The following TMEM67 variants were observed in gnomAD, a reference collection of about 807,000 sequenced individuals.
TMEM67 encodes transmembrane protein 67, also known as meckelin.
A neutral mutation model predicts 136.6 loss-of-function variants in TMEM67; 124 were observed. The observed-to-expected ratio is 0.91, with a 90% confidence interval of 0.78 to 1.05. The LOEUF (loss-of-function observed/expected upper bound fraction) is 1.05. Among genes scored for constraint, TMEM67 ranks in the 50% least tolerant of loss-of-function variants. The pLI, the probability that TMEM67 is intolerant of heterozygous loss-of-function variation, is 0.00. For synonymous variants in TMEM67, 364 were observed against 390.5 expected, an observed-to-expected ratio of 0.93 and a Z score of 0.80; for missense variants, 1,107 against 1,178.4, an observed-to-expected ratio of 0.94 and a Z score of 0.89.
Position 93,799,880 on chromosome 8 carries a change from A to AAGAACAAT in TMEM67, c.2241+125_2241+132dup. On this transcript the variant is annotated intron_variant, in intron 21 of 27. Coordinates refer to ENST00000453321, the MANE Select transcript of TMEM67 (RefSeq NM_153704.6). ...CTTTCTGTAGCAGAAAGAAGGTGAC[A>AAGAACAAT]AGAACAATAGCTAATGGTCAGTTCT... 3.6e-6 allele frequency: 3 copies of AAGAACAAT among 836,854 alleles called. No homozygotes were observed. In the East Asian group the frequency reaches 7.5e-5, roughly 21 times the overall value. The allele number at this position is 836,854 out of a possible 1,614,324, so 51.8% of individuals were successfully genotyped here. A position where few individuals can be genotyped will look rare whatever the true frequency, so the allele number is the denominator to read the frequency against.
Position 93,782,533 on chromosome 8 carries a change from ATACT to A in TMEM67, c.1131+76_1131+79del, listed in dbSNP as rs1586045087. The A allele has an allele frequency of 5.1e-6, 6 of 1,165,186 alleles. No individual in the cohort carries two copies. In the East Asian group the frequency reaches 1.4e-4, roughly 28 times the overall value. 72.2% of individuals were successfully genotyped at this position (1,165,186 alleles called of 1,614,324 possible). A position where few individuals can be genotyped will look rare whatever the true frequency, so the allele number is the denominator to read the frequency against. On this transcript the variant is annotated intron_variant, in intron 11 of 27. Transcript: ENST00000453321. ...TATCATGTCAGCAGTAATTGGAATA[ATACT>A]TAAATTTTTGAGATTGGAAATTTTT...
At chr8:93,786,797 C>T (rs1814131047) in intron 13 of TMEM67, among the ~76,000 whole-genome samples, 1 of 152,104 alleles carries the variant, frequency 6.6e-6, no homozygotes, top group Non-Finnish European at 1.5e-5. Flanking sequence ...TAGTACCTCG[C>T]CACTTAAATT....
intron 7 of TMEM67, among the ~76,000 whole-genome samples, chr8:93,775,664 G>T (rs1018437564): frequency 7.2e-5 from 11 of 152,308 alleles, no homozygotes; most frequent in African/African-American, 2.6e-4. Context: ...GATGGTTGTA[G>T]ATGTGTGGTA....
chr8:93,813,529 T>G (rs1808783983), intron 26 of TMEM67, among the ~76,000 whole-genome samples: 1 of 152,198 alleles, frequency 6.6e-6, no homozygotes, highest in African/African-American at 2.4e-5. Context: ...GCTAAGGCAG[T>G]AGCAGTGGGG....
intron 22 of TMEM67, among the ~76,000 whole-genome samples, chr8:93,804,183 T>C (rs1164917648): frequency 6.6e-6 from 1 of 151,998 alleles, no homozygotes; most frequent in African/African-American, 2.4e-5. Flanking sequence ...GTTTTTTTCA[T>C]CTTTATTTGC....
chr8:93,811,297 A>G (rs1005187991), intron 26 of TMEM67: 5 of 150,154 alleles, frequency 3.3e-5, no homozygotes, highest in Admixed American at 1.3e-4. Context: ...CTGTTTGTCA[A>G]TCAAGAGGAT....
chr8:93,794,483 G>A (rs780487000), intron 16 of TMEM67, among the ~76,000 whole-genome samples: 1 of 152,150 alleles, frequency 6.6e-6, no homozygotes, highest in South Asian at 2.1e-4. Flanking sequence ...CGTTTTACAC[G>A]TGATGAAATT....
chr8:93,789,894 A>G (rs1814298104), intron 14 of TMEM67, among the ~76,000 whole-genome samples: 1 of 151,466 alleles, frequency 6.6e-6, no homozygotes, highest in Admixed American at 6.6e-5. Context: ...AACACGGTGA[A>G]ACCCTGTCTG....
chr8:93,774,565 A>G (rs1243334252), intron 7 of TMEM67, among the ~76,000 whole-genome samples: 9 of 151,982 alleles, frequency 5.9e-5, no homozygotes, highest in Non-Finnish European at 8.8e-5. Flanking sequence ...CCTGTGTCCA[A>G]GTGTTCTCGT....
downstream of TMEM67, among the ~76,000 whole-genome samples, chr8:93,823,774 G>C (rs1199750959): frequency 6.6e-6 from 1 of 151,838 alleles, no homozygotes; most frequent in East Asian, 1.9e-4. Context: ...AAAATTAAGT[G>C]CCTTATTCCA....
At chr8:93,829,614 A>G in the TMEM67 span, among the ~76,000 whole-genome samples, 1 of 152,228 alleles carries the variant, frequency 6.6e-6, no homozygotes, top group African/African-American at 2.4e-5. Context: ...CCCACAAGAA[A>G]TGCAGTTTCA....
chr8:93,831,417 T>A, the TMEM67 span, among the ~76,000 whole-genome samples: 2 of 152,244 alleles, frequency 1.3e-5, no homozygotes, highest in African/African-American at 4.8e-5. Flanking sequence ...AATGGACATT[T>A]TGACTCTCTT....
At chr8:93,815,858 T>A (rs1353626488) in intron 27 of TMEM67, among the ~76,000 whole-genome samples, 2 of 145,638 alleles carry the variant, frequency 1.4e-5, no homozygotes, top group Non-Finnish European at 3.0e-5. Context: ...CTCCCCCACC[T>A]GTGTGGATAA....
intron 25 of TMEM67, 109 bp downstream of exon 25, chr8:93,809,270 C>G: frequency 1.4e-6 from 1 of 738,064 alleles, no homozygotes; most frequent in East Asian, 2.5e-5. Context: ...AAACTTAGAA[C>G]CCCCACCTTA....
At chr8:93,832,214 T>C in the TMEM67 span, among the ~76,000 whole-genome samples, 2 of 152,222 alleles carry the variant, frequency 1.3e-5, no homozygotes, top group African/African-American at 4.8e-5. Flanking sequence ...GAGAACAGCC[T>C]GATTGGAAAC....
the TMEM67 span, among the ~76,000 whole-genome samples, chr8:93,824,679 CA>C: frequency 6.6e-6 from 1 of 152,130 alleles, no homozygotes; most frequent in Admixed American, 6.6e-5. Flanking sequence ...TGATCATAAG[CA>C]AACTCTCCCA....
intron 11 of TMEM67, among the ~76,000 whole-genome samples, chr8:93,784,398 A>G (rs1814000649): frequency 6.6e-6 from 1 of 152,242 alleles, no homozygotes; most frequent in African/African-American, 2.4e-5. Flanking sequence ...AATTTACTCA[A>G]AGACTTGTGT....
At chr8:93,818,822 G>A (rs934708553), downstream of TMEM67, among the ~76,000 whole-genome samples, 9 of 152,120 alleles carry the variant, frequency 5.9e-5, no homozygotes, top group African/African-American at 2.2e-4. Flanking sequence ...GAGAGAGAGA[G>A]ATGGGGTCTC....
chr8:93,771,168 A>C (rs959237941), intron 6 of TMEM67, among the ~76,000 whole-genome samples: 6 of 152,080 alleles, frequency 3.9e-5, no homozygotes, highest in African/African-American at 1.4e-4. Context: ...TAAACTGGTC[A>C]CTTCTAATAA....
Sources: gnomAD v4.1 joint callset for allele counts (sites outside exome capture counted in the v4.1 genomes callset) on GRCh38, gnomAD v4.1.1 for gene constraint, MANE v1.5 for transcripts, NCBI Gene and HGNC (gene_info 2026-07-23, HGNC 2026-07-21) for gene names.